PCDH15: variants seen among roughly 807,000 people sequenced by gnomAD.
PCDH15 encodes protocadherin-15.
PCDH15 carries 129 observed loss-of-function variants against 178.5 expected under a neutral mutation model. The observed-to-expected ratio is 0.72, with a 90% confidence interval of 0.63 to 0.84. The LOEUF (loss-of-function observed/expected upper bound fraction) is 0.84. PCDH15 is among the 40% of genes least tolerant of loss of function. The probability of loss-of-function intolerance (pLI) is 0.00; values close to 1 mark genes in which losing one functional copy is unlikely to be tolerated. For missense variants in PCDH15, 2,230 were observed against 2,099.9 expected (o/e 1.06, Z -1.21); for synonymous variants, 800 against 732.0 (o/e 1.09, Z -1.50).
chr10:54,726,756 A>C (rs1216192465), intron 1 of PCDH15, among the ~76,000 whole-genome samples: 1 of 151,206 alleles, frequency 6.6e-6, no homozygotes, highest in Non-Finnish European at 1.5e-5. Context: ...ATTTTGAAAA[A>C]CAATCAAAAG....
chr10:54,832,560 T>C (rs1405581834), intron 3 of PCDH15, among the ~76,000 whole-genome samples: 5 of 152,178 alleles, frequency 3.3e-5, no homozygotes, highest in African/African-American at 7.2e-5. Flanking sequence ...AGATCTAACA[T>C]GCTATTTAGT....
At chr10:54,622,155 C>A (rs539576968) in intron 2 of PCDH15, among the ~76,000 whole-genome samples, 8 of 151,846 alleles carry the variant, frequency 5.3e-5, no homozygotes, top group African/African-American at 1.7e-4. Flanking sequence ...AAAGGAGTAC[C>A]ATCCCTGTCA....
rs57304846 is a variant in PCDH15, at chr10:55,457,391, C to A, written c.-156+170234G>T. On this transcript the variant is annotated intron_variant, in intron 2 of 5. Coordinates refer to the PCDH15 transcript ENST00000613346. ...TGATCTTATATGATTTTTTGTGTAC[C>A]AGATCATGTACTCTTACTTAGTGTG... Among the ~76,000 whole-genome samples, 1,380 of 151,834 alleles carry A rather than the reference C, an allele frequency of 9.1e-3. 22 individuals carry two copies. Among genetic ancestry groups the A allele is most frequent in the African/African-American group, 0.031 (1,304 of 41,458 alleles).
intron 2 of PCDH15, among the ~76,000 whole-genome samples, chr10:55,626,929 T>C (rs1837541300): frequency 6.6e-6 from 1 of 151,498 alleles, no homozygotes; most frequent in Non-Finnish European, 1.5e-5. Context: ...TATTTATTAA[T>C]GAGCAGCACA....
In PCDH15 at chr10:53,824,800, T is replaced by A. The variant is rs184022841; in HGVS notation, c.4367+2593A>T. Among the ~76,000 whole-genome samples the A allele has an allele frequency of 7.9e-3, 1,201 of 152,224 alleles. 13 individuals are homozygous for A. The highest frequency in any genetic ancestry group is 0.025 in the African/African-American group (1,044 of 41,566). Reference sequence around the variant, plus strand: ...TATAACAATATCACATCACTTTGACTAAAAGAAATCTATAAATAGGTTTCT... The same window carrying A: ...TATAACAATATCACATCACTTTGACAAAAAGAAATCTATAAATAGGTTTCT... On this transcript the variant is annotated intron_variant, in intron 32 of 37. Coordinates refer to ENST00000644397, the MANE Select transcript of PCDH15 (RefSeq NM_001384140.1).
At chr10:54,568,256 A>T (rs1462673086) in intron 2 of PCDH15, among the ~76,000 whole-genome samples, 1 of 151,902 alleles carries the variant, frequency 6.6e-6, no homozygotes, top group African/African-American at 2.4e-5. Flanking sequence ...CCTACATGGC[A>T]CAAGGCCTCC....
chr10:54,170,382 T>C (rs374722734), intron 13 of PCDH15, among the ~76,000 whole-genome samples: 2,187 of 151,820 alleles, frequency 0.014, 60 homozygotes, highest in South Asian at 0.047. Flanking sequence ...ACTGTTTTAG[T>C]CTAGCCCTCA....
In PCDH15 at chr10:55,300,745, G is replaced by C. The variant is rs569571863; in HGVS notation, c.-156+18854C>G. ...CACACAACATGCTGAACACTGATTA[G>C]AGCCAGTCTGATTTTTTAAATGAGA... On this transcript the variant is annotated intron_variant, in intron 1 of 5. Transcript: ENST00000458638. Among the ~76,000 whole-genome samples, 9 of 152,244 alleles carry C rather than the reference G, an allele frequency of 5.9e-5. No individual in the cohort carries two copies. In the South Asian group the frequency reaches 8.3e-4, roughly 14 times the overall value.
chr10:55,539,118 T>C (rs1454619955), intron 2 of PCDH15, among the ~76,000 whole-genome samples: 2 of 151,154 alleles, frequency 1.3e-5, no homozygotes, highest in African/African-American at 4.9e-5. Flanking sequence ...CTTCTTCTAA[T>C]GTGTGTACTA....
chr10:55,357,293 A>T (rs1423365936), intron 2 of PCDH15, among the ~76,000 whole-genome samples: 2 of 151,706 alleles, frequency 1.3e-5, no homozygotes, highest in Non-Finnish European at 2.9e-5. Context: ...CCACTGCATT[A>T]AAAAAAATAA....
rs183516767 is a variant in PCDH15, at chr10:53,903,499, C to A, written c.3374-129G>T. ...TAAATCAAAAGCCATTTCTAGATGC[C>A]ATGCCTAGCACCCCCAAATTCAGGG... On this transcript the variant is annotated intron_variant, in intron 25 of 37. Transcript: ENST00000644397. The A allele has an allele frequency of 1.9e-3, 1,957 of 1,018,684 alleles. 4 individuals carry two copies. The highest frequency in any genetic ancestry group is 2.5e-3 in the Non-Finnish European group (1,710 of 674,552). 63.1% of individuals were successfully genotyped at this position (1,018,684 alleles called of 1,614,324 possible). A position where few individuals can be genotyped will look rare whatever the true frequency, so the allele number is the denominator to read the frequency against.
At chr10:54,089,235 T>G (rs1328360982) in intron 16 of PCDH15, among the ~76,000 whole-genome samples, 2 of 152,234 alleles carry the variant, frequency 1.3e-5, no homozygotes, top group African/African-American at 4.8e-5. Context: ...TGTATTCATT[T>G]GTCAAAGTTT....
At chr10:55,305,852 T>C (rs2132283108) in intron 1 of PCDH15, among the ~76,000 whole-genome samples, 1 of 152,312 alleles carries the variant, frequency 6.6e-6, no homozygotes, top group South Asian at 2.1e-4. Context: ...GGAAATAAAA[T>C]TTATCTACCA....
intron 2 of PCDH15, among the ~76,000 whole-genome samples, chr10:55,559,135 C>T (rs983389435): frequency 1.3e-5 from 2 of 152,006 alleles, no homozygotes; most frequent in African/African-American, 4.8e-5. Context: ...CACCTTACAT[C>T]TCACACAGCA....
chr10:55,401,617 TG>T (rs1464972964), intron 2 of PCDH15, among the ~76,000 whole-genome samples: 4 of 151,250 alleles, frequency 2.6e-5, no homozygotes, highest in Non-Finnish European at 5.9e-5. Flanking sequence ...TGTGTGTGTG[TG>T]TGTGTGTGTG....
At chr10:54,415,830 G>A (rs1452103794) in intron 3 of PCDH15, among the ~76,000 whole-genome samples, 1 of 151,986 alleles carries the variant, frequency 6.6e-6, no homozygotes, top group Non-Finnish European at 1.5e-5. Context: ...GTATGATCTC[G>A]ATTGGGTAAA....
intron 3 of PCDH15, among the ~76,000 whole-genome samples, chr10:54,418,553 A>C (rs574146685): frequency 6.6e-6 from 1 of 152,110 alleles, no homozygotes; most frequent in African/African-American, 2.4e-5. Flanking sequence ...AAGACAAATT[A>C]CAGTATTAGA....
At chr10:55,359,298 A>C (rs1845162348) in intron 2 of PCDH15, among the ~76,000 whole-genome samples, 1 of 152,018 alleles carries the variant, frequency 6.6e-6, no homozygotes, top group Non-Finnish European at 1.5e-5. Context: ...TTGAGTTTGT[A>C]TAAATTTTAA....
At chr10:55,183,442 C>T (rs551782726) in intron 1 of PCDH15, among the ~76,000 whole-genome samples, 1 of 151,770 alleles carries the variant, frequency 6.6e-6, no homozygotes, top group South Asian at 2.1e-4. Context: ...CTCTATACAC[C>T]CAATAAATTA....
Sources: gnomAD v4.1 joint callset for allele counts (sites outside exome capture counted in the v4.1 genomes callset) on GRCh38, gnomAD v4.1.1 for gene constraint, MANE v1.5 for transcripts, NCBI Gene and HGNC (gene_info 2026-07-23, HGNC 2026-07-21) for gene names.